NR2C2AP: variants seen among roughly 807,000 people sequenced by gnomAD.
The protein encoded by NR2C2AP is nuclear receptor 2C2 associated protein.
Under a neutral mutation model 19.1 loss-of-function variants are expected in NR2C2AP, and 13 were observed. That is an observed-to-expected ratio of 0.68 (90% CI 0.44 to 1.08). NR2C2AP has a LOEUF of 1.08. Ranked by LOEUF, NR2C2AP falls within the 50% of genes least tolerant of loss-of-function variation. NR2C2AP has a pLI of 0.00. For missense variants in NR2C2AP, 181 were observed against 172.7 expected (o/e 1.05, Z -0.27); for synonymous variants, 81 against 64.4 (o/e 1.26, Z -1.23).
chr19:19,202,094 G>GC (rs1284767203), intron 4 of NR2C2AP, 53 bp from the exon 5 acceptor site: 6 of 1,585,408 alleles, frequency 3.8e-6, no homozygotes, highest in Admixed American at 1.7e-5. Context: ...CCACCCGCAG[G>GC]CCCCCACCCC....
At position 19,201,648 on chromosome 19, in the gene NR2C2AP, G is replaced by C; in HGVS notation, c.*277C>G. On this transcript the variant is annotated 3_prime_UTR_variant, in exon 5 of 5. Coordinates refer to ENST00000331552, the MANE Select transcript of NR2C2AP (RefSeq NM_176880.6). ...CCCACCTTTTCCCTGCCCCATCTCAGTGCAACAGGTGATCGAGAACCACAT... is the reference window on the plus strand; with the variant it reads ...CCCACCTTTTCCCTGCCCCATCTCACTGCAACAGGTGATCGAGAACCACAT... 6.2e-7 allele frequency: 1 copy of C among 1,614,064 alleles called. No homozygotes were observed. The highest frequency in any genetic ancestry group is 8.5e-7 in the Non-Finnish European group (1 of 1,180,022).
chr19:19,201,592 C>T lies in NR2C2AP; in HGVS notation c.*333G>A, dbSNP rs1184567528. ...AGGGGAGAGCGCAGGTTGGCCTGTG[C>T]CTCCACCCCACTCCCGATTCAAGCT... On this transcript the variant is annotated 3_prime_UTR_variant, in exon 5 of 5. Coordinates refer to ENST00000331552, the MANE Select transcript of NR2C2AP (RefSeq NM_176880.6). 1 of 1,612,528 alleles carries T rather than the reference C, an allele frequency of 6.2e-7. No homozygotes were observed. The highest frequency in any genetic ancestry group is 1.1e-5 in the South Asian group (1 of 91,084).
Position 19,201,431 on chromosome 19 carries a change from T to C in NR2C2AP, c.*494A>G. 1 of 1,493,004 alleles carries C rather than the reference T, an allele frequency of 6.7e-7. No individual in the cohort carries two copies. The highest frequency in any genetic ancestry group is 9.0e-7 in the Non-Finnish European group (1 of 1,108,286). 92.5% of individuals were successfully genotyped at this position (1,493,004 alleles called of 1,614,324 possible). On this transcript the variant is annotated 3_prime_UTR_variant, in exon 5 of 5. Coordinates refer to ENST00000331552, the MANE Select transcript of NR2C2AP (RefSeq NM_176880.6). ...ACATTTTGCTTGGTAGGAAATATTT[T>C]TATATTAATTCTGAAAAGCTACAAA... is the stretch of plus-strand genomic sequence containing the variant.
chr19:19,203,029 A>T lies in NR2C2AP; in HGVS notation c.32T>A (p.Val11Glu). Residue 11 changes from valine (V) to glutamate (E), a missense_variant, in exon 1 of 5, where the codon GTG becomes GAG. Val to Glu is a moderately radical substitution (Grantham distance 121, BLOSUM62 -2). Coordinates refer to ENST00000331552, the MANE Select transcript of NR2C2AP (RefSeq NM_176880.6). ...TGTCCCCACAGACTCTTACCTGCTC[A>T]CTGTCTCTGGACAAACCAAAGAGTG... MTHSLVCPET[V>E]SRVSSVLNRN... 1 of 1,614,050 alleles carries T rather than the reference A, an allele frequency of 6.2e-7. No individual in the cohort carries two copies. Among genetic ancestry groups the T allele is most frequent in the African/African-American group, 1.3e-5 (1 of 75,036 alleles).
chr19:19,202,622 G>C (rs1443902465), intron 2 of NR2C2AP, 47 bp from the exon 3 acceptor site: 3 of 1,515,316 alleles, frequency 2.0e-6, no homozygotes, highest in African/African-American at 1.4e-5. Context: ...TGCAGGCACA[G>C]AGCCCTGCTA....
Sources: gnomAD v4.1 joint callset for allele counts on GRCh38, gnomAD v4.1.1 for gene constraint, MANE v1.5 for transcripts, NCBI Gene and HGNC (gene_info 2026-07-23, HGNC 2026-07-21) for gene names.